The following ETS1 variants were observed in gnomAD, a reference collection of about 807,000 sequenced individuals.
The protein encoded by ETS1 is ETS proto-oncogene 1, transcription factor.
A neutral mutation model predicts 58.6 loss-of-function variants in ETS1; 15 were observed. The ratio of observed to expected loss-of-function variants is 0.26; its 90% confidence interval spans 0.17 to 0.39. The LOEUF (loss-of-function observed/expected upper bound fraction) is 0.39, where lower values mean the gene tolerates loss of function less well. Among genes scored for constraint, ETS1 ranks in the 10% least tolerant of loss-of-function variants. ETS1 has a pLI of 1.00. For missense variants in ETS1, 417 were observed against 610.5 expected (o/e 0.68, Z 3.34); for synonymous variants, 214 against 218.2 (o/e 0.98, Z 0.17).
chr11:128,573,600 C>T (rs1299101568), intron 1 of ETS1, among the ~76,000 whole-genome samples: 2 of 152,086 alleles, frequency 1.3e-5, no homozygotes, highest in African/African-American at 4.8e-5. Context: ...AAAAAGCTCT[C>T]CTGAAGAGGT....
chr11:128,573,850 G>A (rs1430549038), intron 1 of ETS1, among the ~76,000 whole-genome samples: 4 of 152,156 alleles, frequency 2.6e-5, no homozygotes, highest in African/African-American at 9.7e-5. Flanking sequence ...ACTTTCGAAA[G>A]TTCATTACAC....
At chr11:128,488,950 A>T (rs1862716903) in intron 5 of ETS1, among the ~76,000 whole-genome samples, 2 of 152,194 alleles carry the variant, frequency 1.3e-5, no homozygotes, top group Admixed American at 6.5e-5. Flanking sequence ...AAACAAAAAC[A>T]AAAACTATTC....
intron 3 of ETS1, among the ~76,000 whole-genome samples, chr11:128,511,624 C>A (rs1863394772): frequency 6.6e-6 from 1 of 152,192 alleles, no homozygotes; most frequent in Admixed American, 6.5e-5. Context: ...GTTATAGATG[C>A]ATAAAATATG....
chr11:128,522,587 T>C (rs1863716430), intron 3 of ETS1: 1 of 157,534 alleles, frequency 6.3e-6, no homozygotes, highest in Admixed American at 6.6e-5. Flanking sequence ...GCCCCGGGCC[T>C]CGGAGCCCAG....
rs377014455 is a variant in ETS1, at chr11:128,499,314, T to A, written c.215-8738A>T. On this transcript the variant is annotated intron_variant, in intron 3 of 9. Coordinates refer to ENST00000392668, the MANE Select transcript of ETS1 (RefSeq NM_001143820.2). Reference sequence around the variant, plus strand: ...AATTGGGCTAACCAATTTATTTTAATTTCACTTAACTCCCACCTATAATTA... The same window carrying A: ...AATTGGGCTAACCAATTTATTTTAAATTCACTTAACTCCCACCTATAATTA... Among the ~76,000 whole-genome samples the A allele has an allele frequency of 7.7e-4, 117 of 152,252 alleles. 2 individuals carry two copies. In the South Asian group the frequency reaches 0.023, roughly 30 times the overall value.
chr11:128,507,060 C>T (rs1434123369), intron 3 of ETS1, among the ~76,000 whole-genome samples: 3 of 152,034 alleles, frequency 2.0e-5, no homozygotes, highest in African/African-American at 7.3e-5. Context: ...GGTGTGGGGG[C>T]GGTGAAGGCT....
chr11:128,491,786 T>C (rs1370593414), intron 3 of ETS1, among the ~76,000 whole-genome samples: 1 of 152,168 alleles, frequency 6.6e-6, no homozygotes, highest in African/African-American at 2.4e-5. Context: ...CAACTTGAAG[T>C]GCATACAGGA....
At chr11:128,577,582 TAC>T (rs1864776265) in intron 1 of ETS1, among the ~76,000 whole-genome samples, 1 of 152,214 alleles carries the variant, frequency 6.6e-6, no homozygotes, top group Admixed American at 6.5e-5. Flanking sequence ...AGAAAACTTG[TAC>T]ACACTTTTTC....
At chr11:128,511,696 C>T (rs1565389832) in intron 3 of ETS1, among the ~76,000 whole-genome samples, 1 of 152,202 alleles carries the variant, frequency 6.6e-6, no homozygotes, top group Non-Finnish European at 1.5e-5. Flanking sequence ...TGATCTCAAG[C>T]TAACGTTTAT....
At chr11:128,556,186 C>CAG in intron 3 of ETS1, 105 bp downstream of exon 3, 1 of 997,246 alleles carries the variant, frequency 1.0e-6, no homozygotes. Flanking sequence ...AGCATCTGTA[C>CAG]CCGCATAAGC....
intron 3 of ETS1, among the ~76,000 whole-genome samples, chr11:128,522,845 G>C (rs1228147822): frequency 6.6e-6 from 1 of 152,198 alleles, no homozygotes; most frequent in Non-Finnish European, 1.5e-5. Context: ...TCGTGAGCCC[G>C]TGTCCTCAAA....
At chr11:128,583,259 C>T (rs1336196894) in intron 1 of ETS1, among the ~76,000 whole-genome samples, 2 of 152,176 alleles carry the variant, frequency 1.3e-5, no homozygotes, top group Admixed American at 6.5e-5. Flanking sequence ...ACTTCTGTGC[C>T]AAGGCTGAGC....
intron 3 of ETS1, chr11:128,522,141 T>C (rs878957975): frequency 1.5e-6 from 2 of 1,292,828 alleles, no homozygotes; most frequent in East Asian, 3.3e-5. Context: ...TGCCTTTCTT[T>C]CCCCCGCGCC....
At chr11:128,467,087 C>A (rs1000689971) in intron 8 of ETS1, among the ~76,000 whole-genome samples, 4 of 152,160 alleles carry the variant, frequency 2.6e-5, no homozygotes, top group African/African-American at 9.7e-5. Context: ...TCCTAAACTG[C>A]CTTTTTGTTG....
At chr11:128,539,537 T>C (rs1457455707) in intron 3 of ETS1, among the ~76,000 whole-genome samples, 3 of 152,202 alleles carry the variant, frequency 2.0e-5, no homozygotes, top group African/African-American at 2.4e-5. Flanking sequence ...GGAACCCTCT[T>C]ACATTGCTAG....
chr11:128,587,410 C>T (rs1333200367), intron 1 of ETS1, 78 bp downstream of exon 1: 2 of 152,366 alleles, frequency 1.3e-5, no homozygotes, highest in African/African-American at 2.4e-5. Context: ...CCGACTTACT[C>T]TTTAATTCCA....
intron 3 of ETS1, among the ~76,000 whole-genome samples, chr11:128,552,717 A>T (rs1247525407): frequency 1.1e-5 from 1 of 90,518 alleles, no homozygotes; most frequent in African/African-American, 1.1e-4. Context: ...CATTGATGGG[A>T]TGGACGAGGT....
chr11:128,585,174 GAA>G (rs1157874241), intron 1 of ETS1, among the ~76,000 whole-genome samples: 3 of 21,124 alleles, frequency 1.4e-4, no homozygotes, highest in African/African-American at 2.9e-4. Flanking sequence ...GAAAGAGAAA[GAA>G]AGAAAGAAAG....
At chr11:128,482,684 A>T (rs76313695) in intron 7 of ETS1, among the ~76,000 whole-genome samples, 1 of 152,274 alleles carries the variant, frequency 6.6e-6, no homozygotes, top group Non-Finnish European at 1.5e-5. Flanking sequence ...ATTTACGGGT[A>T]TTTTCTCCAA....
Sources: gnomAD v4.1 joint callset for allele counts (sites outside exome capture counted in the v4.1 genomes callset) on GRCh38, gnomAD v4.1.1 for gene constraint, MANE v1.5 for transcripts, NCBI Gene and HGNC (gene_info 2026-07-23, HGNC 2026-07-21) for gene names.